The following ATG9A variants were observed in gnomAD, a reference collection of about 807,000 sequenced individuals.
ATG9A encodes the protein autophagy related 9A, also known as autophagy-related protein 9A.
Under a neutral mutation model 87.1 loss-of-function variants are expected in ATG9A, and 21 were observed. The ratio of observed to expected loss-of-function variants is 0.24; its 90% CI spans 0.17 to 0.35. The LOEUF is 0.35. ATG9A is among the 10% of genes least tolerant of loss of function. The pLI, the probability that ATG9A is intolerant of heterozygous loss-of-function variation, is 1.00. For synonymous variants in ATG9A, 422 were observed against 441.3 expected, an observed-to-expected ratio of 0.96 and a Z score of 0.55; for missense variants, 836 against 1,107.3, an observed-to-expected ratio of 0.76 and a Z score of 3.48.
Position 219,225,345 on chromosome 2 carries a change from C to T in ATG9A, c.374+66G>A, listed in dbSNP as rs944895279. The T allele has an allele frequency of 1.0e-5, 16 of 1,597,076 alleles. No homozygotes were observed. In the East Asian group the frequency reaches 3.1e-4, roughly 31 times the overall value. Reference sequence around the variant, plus strand: ...GGAGTATGAGTTGCTGCCTCAGACTCCACTCTATTACCCACCTGCTAGCAG... The same window carrying T: ...GGAGTATGAGTTGCTGCCTCAGACTTCACTCTATTACCCACCTGCTAGCAG... On this transcript the variant is annotated intron_variant, in intron 6 of 15. Coordinates refer to ENST00000361242, the MANE Select transcript of ATG9A (RefSeq NM_001077198.3).
intron 6 of ATG9A, 80 bp from the exon 7 acceptor site, chr2:219,225,292 T>G (rs1220999555): frequency 2.5e-5 from 40 of 1,604,684 alleles, no homozygotes; most frequent in Non-Finnish European, 3.3e-5. Context: ...CTGAAGTATT[T>G]TTGCTAGACC....
intron 4 of ATG9A, among the ~76,000 whole-genome samples, chr2:219,227,278 G>A (rs996673323): frequency 6.6e-6 from 1 of 152,176 alleles, no homozygotes; most frequent in Admixed American, 6.5e-5. Context: ...AACACTTTGG[G>A]AGGGCAAGGC....
At chr2:219,220,668 T>C (rs1950735557) in intron 15 of ATG9A, 79 bp downstream of exon 15, 1 of 1,562,652 alleles carries the variant, frequency 6.4e-7, no homozygotes, top group Non-Finnish European at 8.7e-7. Flanking sequence ...GGGGCATATC[T>C]TCCTTCCCCT....
At position 219,224,033 on chromosome 2, in the gene ATG9A, C is replaced by T; in HGVS notation, c.1266-11G>A. ...TCCGGGATAAAGGACCTAGTGGGAT[C>T]AGGATCATGGTGAGATGTATGCCTT... On this transcript the variant is annotated splice_polypyrimidine_tract_variant and intron_variant, in intron 8 of 15. Transcript: ENST00000361242. The surrounding 1 kb of genome is among the most constrained non-coding windows in gnomAD (Gnocchi z 7.7). 6.2e-7 allele frequency: 1 copy of T among 1,607,508 alleles called. No individual in the cohort carries two copies. The highest frequency in any genetic ancestry group is 8.5e-7 in the Non-Finnish European group (1 of 1,176,138).
chr2:219,228,532 A>C, intron 1 of ATG9A, 47 bp from the exon 2 acceptor site: 1 of 153,458 alleles, frequency 6.5e-6, no homozygotes, highest in African/African-American at 2.4e-5. Flanking sequence ...GTGGGGATAA[A>C]AAGGAACCCA....
chr2:219,225,306 C>G (rs1011967457), intron 6 of ATG9A, 94 bp from the exon 7 acceptor site: 180 of 1,599,662 alleles, frequency 1.1e-4, no homozygotes, highest in Non-Finnish European at 1.5e-4. Context: ...CTAGACCAAG[C>G]CTGAGTCAGT....
Position 219,222,940 on chromosome 2 carries a change from C to T in ATG9A, c.1600-47G>A. The T allele has an allele frequency of 1.2e-6, 2 of 1,603,356 alleles. No homozygotes were observed. Among genetic ancestry groups the T allele is most frequent in the Non-Finnish European group, 1.7e-6 (2 of 1,174,546 alleles). ...AAGCAGGGCTGTTCTCTTCCAGGAGCCTTCCTGCACCTTTCCTGTTAGTGG... is the reference window on the plus strand; with the variant it reads ...AAGCAGGGCTGTTCTCTTCCAGGAGTCTTCCTGCACCTTTCCTGTTAGTGG... On this transcript the variant is annotated intron_variant, in intron 10 of 15. Transcript: ENST00000361242. This position sits in a 1 kb window ranked among gnomAD's most constrained non-coding sequence, Gnocchi z 4.3.
intron 5 of ATG9A, 138 bp from the exon 6 acceptor site, chr2:219,225,710 C>A: frequency 1.1e-6 from 1 of 912,292 alleles, no homozygotes; most frequent in South Asian, 1.7e-5. Flanking sequence ...TGGGCCCTCT[C>A]TGCTCCTCAG....
chr2:219,222,321 G>C lies in ATG9A; in HGVS notation c.1978C>G (p.Pro660Ala). 4 of 1,613,402 alleles carry C rather than the reference G, an allele frequency of 2.5e-6. No homozygotes were observed. Among genetic ancestry groups the C allele is most frequent in the East Asian group, 2.2e-5 (1 of 44,876 alleles). ...GCCCGGCCTGTGGGCGCCTGCCCGG[G>C]TTGCAGCGGGGAGAAGGAGCGCAGG... Reference protein sequence around the residue: ...SALRSFSPLQPGQAPTGRAHS... With the variant: ...SALRSFSPLQAGQAPTGRAHS... Residue 660 changes from proline (P) to alanine (A), a missense_variant, in exon 12 of 16, where the codon CCC becomes GCC. Physicochemically the swap from Pro to Ala is conservative, Grantham distance 27. Transcript: ENST00000361242. The surrounding 1 kb of genome is among the most constrained non-coding windows in gnomAD (Gnocchi z 4.3).
intron 15 of ATG9A, 86 bp downstream of exon 15, chr2:219,220,661 G>A: frequency 6.5e-7 from 1 of 1,538,694 alleles, no homozygotes; most frequent in Non-Finnish European, 8.9e-7. Context: ...TGGGGGTGGG[G>A]CATATCTTCC....
At chr2:219,228,185 G>A in intron 2 of ATG9A, 132 bp from the exon 3 acceptor site, 1 of 627,650 alleles carries the variant, frequency 1.6e-6, no homozygotes, top group Non-Finnish European at 2.7e-6. Context: ...CAGAGGCAGA[G>A]GAGTAGTGAC....
chr2:219,225,593 G>C, intron 5 of ATG9A, 21 bp from the exon 6 acceptor site: 3 of 1,611,926 alleles, frequency 1.9e-6, no homozygotes, highest in Non-Finnish European at 2.5e-6. Flanking sequence ...GGGAAGAAGG[G>C]GTGCAGTCTG....
chr2:219,223,729 G>A lies in ATG9A; in HGVS notation c.1455C>T (p.Val485=). The change falls in exon 10 of 16, where the codon GTC becomes GTT. Residue 485 remains valine, a synonymous_variant. Coordinates refer to ENST00000361242, the MANE Select transcript of ATG9A (RefSeq NM_001077198.3). This position sits in a 1 kb window ranked among gnomAD's most constrained non-coding sequence, Gnocchi z 4.7. ...GGCAGAAGATGAGGATGAGGGGTGTGACAATGGGGCTCAGCAACTCTTCCA... is the reference window on the plus strand; with the variant it reads ...GGCAGAAGATGAGGATGAGGGGTGTAACAATGGGGCTCAGCAACTCTTCCA... ...FILEELLSPI[V]TPLILIFCLR... The A allele has an allele frequency of 1.9e-6, 3 of 1,613,438 alleles. No individual in the cohort carries two copies. The highest frequency in any genetic ancestry group is 2.5e-6 in the Non-Finnish European group (3 of 1,179,740).
In ATG9A at chr2:219,220,742, C is replaced by G. The variant is rs779125180; in HGVS notation, c.2514+5G>C. On this transcript the variant is annotated splice_donor_5th_base_variant and intron_variant, in intron 15 of 15. Transcript: ENST00000361242. ...GCAGTTTTTCCTAGGCCCCGGGGCC[C>G]TTACCTTGTGCACCTGAGGGGGTAG... The G allele has an allele frequency of 6.2e-7, 1 of 1,612,492 alleles. No homozygotes were observed. The highest frequency in any genetic ancestry group is 8.5e-7 in the Non-Finnish European group (1 of 1,179,312).
At chr2:219,226,276 A>G (rs1950858415) in intron 5 of ATG9A, among the ~76,000 whole-genome samples, 1 of 152,100 alleles carries the variant, frequency 6.6e-6, no homozygotes, top group South Asian at 2.1e-4. Context: ...ACACCCAGCT[A>G]ATTTTTGTAT....
Position 219,222,994 on chromosome 2 carries a change from C to A in ATG9A, c.1600-101G>T. 1 of 1,466,234 alleles carries A rather than the reference C, an allele frequency of 6.8e-7. No individual in the cohort carries two copies. The highest frequency in any genetic ancestry group is 2.3e-5 in the East Asian group (1 of 42,624). 90.8% of individuals were successfully genotyped at this position (1,466,234 alleles called of 1,614,324 possible). A position where few individuals can be genotyped will look rare whatever the true frequency, so the allele number is the denominator to read the frequency against. ...GGCCTTACCCTTGGAGAACGGAGAC[C>A]ACAGTATACTGTCAATCTTTCCCAG... On this transcript the variant is annotated intron_variant, in intron 10 of 15. Transcript: ENST00000361242. The surrounding 1 kb of genome is among the most constrained non-coding windows in gnomAD (Gnocchi z 4.3).
At chr2:219,225,660 G>C (rs1009116880) in intron 5 of ATG9A, 88 bp from the exon 6 acceptor site, 2 of 1,430,270 alleles carry the variant, frequency 1.4e-6, no homozygotes, top group Non-Finnish European at 1.9e-6. Context: ...GGAGGTGGCA[G>C]AACAAGACTG....
At chr2:219,225,638 AGAG>A (rs1368493800) in intron 5 of ATG9A, 66 bp from the exon 6 acceptor site, 13 of 1,551,030 alleles carry the variant, frequency 8.4e-6, no homozygotes, top group Non-Finnish European at 8.8e-7. Context: ...CCCAGTGGGA[AGAG>A]GAGAGTCTGG....
rs925614797 is a variant in ATG9A at position 219,222,389 on chromosome 2, C to T, written c.1910G>A (p.Arg637Lys). The part of the protein sequence containing the change: ...GSSCRGPPLP[R>K]DLQGSRHRAE... ...CCTGTGCCTGGAGCCCTGCAGGTCTCTGGGCAGTGGAGGGCCCCGGCAGGA... is the reference window on the plus strand; with the variant it reads ...CCTGTGCCTGGAGCCCTGCAGGTCTTTGGGCAGTGGAGGGCCCCGGCAGGA... The change falls in exon 12 of 16, where the codon AGA (arginine) becomes AAA (lysine). Residue 637 changes from arginine (R) to lysine (K), a missense_variant. By Grantham distance (26) the Arg-to-Lys change is conservative. Coordinates refer to ENST00000361242, the MANE Select transcript of ATG9A (RefSeq NM_001077198.3). The surrounding 1 kb of genome is among the most constrained non-coding windows in gnomAD (Gnocchi z 4.3). 3.7e-6 allele frequency: 6 copies of T among 1,604,968 alleles called. No homozygotes were observed. The African/African-American group carries it at 6.7e-5, about 18-fold the overall frequency.
Sources: allele counts gnomAD v4.1 joint callset (sites outside exome capture counted in the v4.1 genomes callset), GRCh38; gene constraint gnomAD v4.1.1; non-coding constraint Gnocchi (gnomAD v3.1); transcripts MANE v1.5; gene names NCBI Gene and HGNC (gene_info 2026-07-23, HGNC 2026-07-21).